Variants in DSCAM observed in about 807,000 individuals in gnomAD.
The protein encoded by DSCAM is cell adhesion molecule DSCAM.
Under a neutral mutation model 217.7 loss-of-function variants are expected in DSCAM, and 47 were observed. The observed-to-expected ratio is 0.22, with a 90% CI of 0.17 to 0.28. The LOEUF (loss-of-function observed/expected upper bound fraction) is 0.28. Ranked by LOEUF, DSCAM falls within the 10% of genes least tolerant of loss-of-function variation. DSCAM has a pLI of 1.00. For synonymous variants in DSCAM, 1,056 were observed against 1,015.3 expected, an observed-to-expected ratio of 1.04 and a Z score of -0.76; for missense variants, 2,080 against 2,618.3, an observed-to-expected ratio of 0.79 and a Z score of 4.49.
At chr21:40,133,618 A>G (rs201196090) in intron 19 of DSCAM, among the ~76,000 whole-genome samples, 1 of 50,302 alleles carries the variant, frequency 2.0e-5, no homozygotes, top group African/African-American at 4.7e-5. Context: ...AACAAAAAAC[A>G]AAAAAAAAGA....
chr21:40,421,430 A>C (rs1464642517), intron 3 of DSCAM, among the ~76,000 whole-genome samples: 3 of 152,252 alleles, frequency 2.0e-5, no homozygotes, highest in African/African-American at 7.2e-5. Context: ...TTCATTCTGC[A>C]AACTTCAGGG....
At chr21:40,745,906 C>T (rs1161559940) in intron 1 of DSCAM, among the ~76,000 whole-genome samples, 1 of 151,732 alleles carries the variant, frequency 6.6e-6, no homozygotes, top group African/African-American at 2.4e-5. Context: ...TAAAAATGAA[C>T]GTGTGTGGGA....
intron 3 of DSCAM, among the ~76,000 whole-genome samples, chr21:40,410,647 G>A (rs1263014780): frequency 4.7e-5 from 7 of 150,242 alleles, no homozygotes; most frequent in South Asian, 2.1e-4. Context: ...GTTAAATTAC[G>A]AACAAATGAA....
intron 11 of DSCAM, among the ~76,000 whole-genome samples, chr21:40,240,138 G>A (rs1238401828): frequency 6.6e-6 from 1 of 152,152 alleles, no homozygotes; most frequent in Non-Finnish European, 1.5e-5. Flanking sequence ...CAGATGCGGT[G>A]GGTCCCCAGA....
chr21:40,517,299 T>C (rs931575737), intron 3 of DSCAM, among the ~76,000 whole-genome samples: 5 of 150,310 alleles, frequency 3.3e-5, no homozygotes, highest in African/African-American at 1.2e-4. Flanking sequence ...TATTTATATA[T>C]AAATGCAAAT....
At chr21:40,615,734 G>T (rs1601790699) in intron 3 of DSCAM, among the ~76,000 whole-genome samples, 1 of 152,092 alleles carries the variant, frequency 6.6e-6, no homozygotes, top group African/African-American at 2.4e-5. Context: ...GCAGACAGAT[G>T]GAGCTAAAGT....
chr21:40,677,678 G>C (rs551694727), intron 3 of DSCAM, among the ~76,000 whole-genome samples: 2 of 152,098 alleles, frequency 1.3e-5, no homozygotes, highest in African/African-American at 2.4e-5. Flanking sequence ...TGATGCTATC[G>C]GGAGGTGGAT....
chr21:40,444,863 C>T (rs760842661), intron 3 of DSCAM, among the ~76,000 whole-genome samples: 2 of 152,224 alleles, frequency 1.3e-5, no homozygotes, highest in Non-Finnish European at 2.9e-5. Context: ...CCATTCCCTA[C>T]ATGTGCCTCA....
intron 1 of DSCAM, among the ~76,000 whole-genome samples, chr21:40,835,693 C>A (rs1291246983): frequency 2.0e-5 from 3 of 152,128 alleles, no homozygotes; most frequent in Non-Finnish European, 2.9e-5. Context: ...AAAATAAGAT[C>A]TCAGGACACA....
intron 2 of DSCAM, among the ~76,000 whole-genome samples, chr21:40,698,439 C>T (rs943503128): frequency 1.3e-5 from 2 of 152,088 alleles, no homozygotes; most frequent in Admixed American, 6.5e-5. Context: ...GAAACTTAGG[C>T]GATGTCCAGG....
chr21:40,686,432 C>A (rs758285239), intron 3 of DSCAM, among the ~76,000 whole-genome samples: 1 of 151,966 alleles, frequency 6.6e-6, no homozygotes, highest in Non-Finnish European at 1.5e-5. Context: ...ACACCAAACA[C>A]CACACACATA....
chr21:40,258,128 G>A (rs1271873034), intron 11 of DSCAM, among the ~76,000 whole-genome samples: 2 of 152,162 alleles, frequency 1.3e-5, no homozygotes, highest in East Asian at 1.9e-4. Context: ...CATCTCCGGG[G>A]AGAAAGTATT....
chr21:40,066,185 G>A (rs924383712), intron 27 of DSCAM, among the ~76,000 whole-genome samples: 16 of 152,148 alleles, frequency 1.1e-4, no homozygotes, highest in East Asian at 7.7e-4. Flanking sequence ...ACCTGTTTTC[G>A]GGTTGTCTTT....
At chr21:40,686,207 CCA>C (rs758916251) in intron 3 of DSCAM, among the ~76,000 whole-genome samples, 95 of 126,424 alleles carry the variant, frequency 7.5e-4, no homozygotes, top group South Asian at 2.8e-3. Context: ...AGCACGTACT[CCA>C]CACACACACA....
At chr21:40,214,392 G>A (rs1340326569) in intron 11 of DSCAM, among the ~76,000 whole-genome samples, 1 of 152,182 alleles carries the variant, frequency 6.6e-6, no homozygotes, top group South Asian at 2.1e-4. Flanking sequence ...GAAAGATTCT[G>A]TGCTGATAAT....
At chr21:40,141,480 G>A (rs962927388) in intron 18 of DSCAM, among the ~76,000 whole-genome samples, 5 of 152,310 alleles carry the variant, frequency 3.3e-5, no homozygotes, top group Admixed American at 3.3e-4. Flanking sequence ...GCCAGGTGTG[G>A]TGGTGCACGC....
At chr21:40,113,134 T>C (rs1369902929) in intron 20 of DSCAM, among the ~76,000 whole-genome samples, 2 of 152,216 alleles carry the variant, frequency 1.3e-5, no homozygotes, top group Non-Finnish European at 2.9e-5. Flanking sequence ...TTTAGACCTA[T>C]ATCCCTGATG....
chr21:40,181,673 C>G (rs905367272), intron 14 of DSCAM, among the ~76,000 whole-genome samples: 2 of 151,470 alleles, frequency 1.3e-5, no homozygotes, highest in Non-Finnish European at 2.9e-5. Context: ...TTTGATATTT[C>G]CGGGCACCTG....
chr21:40,717,589 G>A (rs185943009), intron 1 of DSCAM, among the ~76,000 whole-genome samples: 5 of 152,306 alleles, frequency 3.3e-5, no homozygotes, highest in East Asian at 1.9e-4. Flanking sequence ...GACTCCATTC[G>A]TATGAAATGT....
Sources: gnomAD v4.1 joint callset for allele counts (sites outside exome capture counted in the v4.1 genomes callset) on GRCh38, gnomAD v4.1.1 for gene constraint, MANE v1.5 for transcripts, NCBI Gene and HGNC (gene_info 2026-07-23, HGNC 2026-07-21) for gene names.